The following AGBL4 variants were observed in gnomAD, a reference collection of about 807,000 sequenced individuals.
The protein encoded by AGBL4 is AGBL carboxypeptidase 4.
In AGBL4, 58 loss-of-function variants were observed where a neutral mutation model predicts 66.4. That is an observed-to-expected ratio of 0.87 (90% CI 0.71 to 1.09). AGBL4 has a LOEUF of 1.09. AGBL4 is among the 50% of genes least tolerant of loss of function. AGBL4 has a pLI of 0.00. For missense variants in AGBL4, 579 were observed against 631.0 expected (o/e 0.92, Z 0.88); for synonymous variants, 234 against 222.9 (o/e 1.05, Z -0.44).
intron 3 of AGBL4, among the ~76,000 whole-genome samples, chr1:49,626,828 A>G (rs1645472816): frequency 1.3e-5 from 2 of 152,184 alleles, no homozygotes; most frequent in Admixed American, 1.3e-4. Context: ...GTGTGATAAT[A>G]AAGCCTGGGG....
chr1:49,334,917 A>C (rs1446157810), intron 3 of AGBL4, among the ~76,000 whole-genome samples: 1 of 152,216 alleles, frequency 6.6e-6, no homozygotes, highest in Non-Finnish European at 1.5e-5. Flanking sequence ...AGTCAATTCC[A>C]GTTTGAAGCT....
chr1:48,551,279 G>A (rs182846554), intron 11 of AGBL4, among the ~76,000 whole-genome samples: 2 of 152,194 alleles, frequency 1.3e-5, no homozygotes, highest in South Asian at 2.1e-4. Context: ...ATGTTTAGCT[G>A]TGTGAACCTG....
At chr1:48,608,327 T>C (rs1003112408) in intron 9 of AGBL4, among the ~76,000 whole-genome samples, 1 of 152,206 alleles carries the variant, frequency 6.6e-6, no homozygotes, top group Non-Finnish European at 1.5e-5. Flanking sequence ...AATAAAACTG[T>C]AAAGAAGAAG....
chr1:48,776,778 C>G (rs1006396750), intron 6 of AGBL4: 3 of 1,524,454 alleles, frequency 2.0e-6, no homozygotes, highest in South Asian at 1.2e-5. Context: ...GCACGCACGA[C>G]ACGGGCAGCG....
intron 3 of AGBL4, among the ~76,000 whole-genome samples, chr1:49,441,085 C>G (rs1646018650): frequency 6.6e-6 from 1 of 152,084 alleles, no homozygotes; most frequent in African/African-American, 2.4e-5. Context: ...TCAGGAGCCC[C>G]CCGCCCGCCA....
At position 48,931,867 on chromosome 1, in the gene AGBL4, C is replaced by G. The variant is rs149723528; in HGVS notation, c.595-64637G>C. 1.7e-4 allele frequency among the ~76,000 whole-genome samples: 26 copies of G among 152,216 alleles called. No homozygotes were observed. The East Asian group carries it at 5.0e-3, about 29-fold the overall frequency. The stretch of plus-strand genomic sequence containing the variant: ...CCGTATTATTTATGGTTTATTTGTT[C>G]ATTTGTTGGCTGAGTGACTGAACGA... On this transcript the variant is annotated intron_variant, in intron 5 of 13. Transcript: ENST00000371839.
At chr1:48,996,314 A>C (rs1339406935) in intron 5 of AGBL4, among the ~76,000 whole-genome samples, 1 of 152,266 alleles carries the variant, frequency 6.6e-6, no homozygotes, top group Non-Finnish European at 1.5e-5. Flanking sequence ...GTTGACATTT[A>C]AAGCTATAGG....
chr1:49,937,367 T>G (rs1654184492), intron 1 of AGBL4, among the ~76,000 whole-genome samples: 2 of 151,904 alleles, frequency 1.3e-5, no homozygotes, highest in Non-Finnish European at 2.9e-5. Context: ...ACAAAGAGAC[T>G]TAGACTCCCA....
intron 9 of AGBL4, among the ~76,000 whole-genome samples, chr1:48,598,593 A>G (rs1218844070): frequency 1.3e-5 from 2 of 152,106 alleles, no homozygotes; most frequent in African/African-American, 4.8e-5. Context: ...CCTGACCTAC[A>G]TGGGGAACGC....
chr1:49,391,924 G>A (rs1175929854), intron 3 of AGBL4, among the ~76,000 whole-genome samples: 4 of 151,982 alleles, frequency 2.6e-5, no homozygotes, highest in African/African-American at 9.7e-5. Context: ...TGGAAGACAA[G>A]CAGAATATGA....
intron 5 of AGBL4, among the ~76,000 whole-genome samples, chr1:49,009,203 C>A (rs985645927): frequency 5.9e-5 from 9 of 151,976 alleles, no homozygotes; most frequent in Non-Finnish European, 1.0e-4. Flanking sequence ...GATATCACCA[C>A]TGATCCCACA....
In AGBL4 at chr1:48,873,776, A is replaced by G. The variant is rs72891875; in HGVS notation, c.595-6546T>C. On this transcript the variant is annotated intron_variant, in intron 5 of 13. Transcript: ENST00000371839. ...CCCCCATAATTTTTGTGAAAACTCT[A>G]TTTCTGTCTTGGGGACCCAGGAATT... 2.1e-3 allele frequency among the ~76,000 whole-genome samples: 316 copies of G among 152,048 alleles called. 5 individuals carry two copies. The highest frequency in any genetic ancestry group is 9.8e-3 in the South Asian group (47 of 4,812).
At chr1:49,741,558 GCAT>G (rs1157439006) in intron 2 of AGBL4, among the ~76,000 whole-genome samples, 1 of 152,176 alleles carries the variant, frequency 6.6e-6, no homozygotes, top group African/African-American at 2.4e-5. Flanking sequence ...GATGAGGCCA[GCAT>G]CATCCTGATA....
intron 6 of AGBL4, among the ~76,000 whole-genome samples, chr1:48,790,204 C>T (rs890361265): frequency 1.3e-5 from 2 of 152,110 alleles, no homozygotes; most frequent in African/African-American, 4.8e-5. Flanking sequence ...TTTACCAGCA[C>T]TATTCATGTG....
At chr1:49,568,130 A>C (rs1443916817) in intron 3 of AGBL4, among the ~76,000 whole-genome samples, 1 of 152,116 alleles carries the variant, frequency 6.6e-6, no homozygotes, top group African/African-American at 2.4e-5. Context: ...GTATTGGAAT[A>C]CCTGGCCAGA....
chr1:49,307,724 CA>C (rs1447903607), intron 3 of AGBL4, among the ~76,000 whole-genome samples: 2 of 152,046 alleles, frequency 1.3e-5, no homozygotes, highest in Non-Finnish European at 2.9e-5. Flanking sequence ...TTGCAGGAGA[CA>C]CAATGTTAAT....
At chr1:49,848,594 A>C (rs1204561956) in intron 2 of AGBL4, among the ~76,000 whole-genome samples, 1 of 152,204 alleles carries the variant, frequency 6.6e-6, no homozygotes, top group African/African-American at 2.4e-5. Flanking sequence ...CTCATTTATA[A>C]GTGAGAGCTA....
chr1:49,262,921 A>G (rs201801275), intron 3 of AGBL4, among the ~76,000 whole-genome samples: 177 of 150,154 alleles, frequency 1.2e-3, no homozygotes, highest in Non-Finnish European at 2.0e-3. Flanking sequence ...TCCAACAATG[A>G]TAGACTGGAT....
chr1:48,879,824 G>A (rs975531833), intron 5 of AGBL4, among the ~76,000 whole-genome samples: 1 of 152,078 alleles, frequency 6.6e-6, no homozygotes, highest in African/African-American at 2.4e-5. Context: ...TTAAAACTGA[G>A]CTTTTGATTC....
Sources: allele counts gnomAD v4.1 joint callset (sites outside exome capture counted in the v4.1 genomes callset), GRCh38; gene constraint gnomAD v4.1.1; transcripts MANE v1.5; gene names NCBI Gene and HGNC (gene_info 2026-07-23, HGNC 2026-07-21).